Variants in DHX57 observed in about 807,000 individuals in gnomAD.
The protein encoded by DHX57 is DExH-box helicase 57.
DHX57 carries 105 observed loss-of-function variants against 156.2 expected under a neutral mutation model. That is an observed-to-expected ratio of 0.67 (90% CI 0.57 to 0.79). The LOEUF is 0.79. DHX57 is among the 30% of genes least tolerant of loss of function. DHX57 has a pLI of 0.00. For synonymous variants in DHX57, 704 were observed against 595.6 expected (o/e 1.18, Z -2.65); for missense variants, 1,847 against 1,661.9 (o/e 1.11, Z -1.94).
chr2:38,802,177 C>T (rs1389276693), intron 23 of DHX57, among the ~76,000 whole-genome samples: 2 of 152,124 alleles, frequency 1.3e-5, no homozygotes, highest in Non-Finnish European at 2.9e-5. Flanking sequence ...AACCTCAGCC[C>T]GTACCAGACT....
intron 19 of DHX57, chr2:38,815,857 G>T: frequency 1.6e-6 from 1 of 611,860 alleles, no homozygotes; most frequent in African/African-American, 1.8e-5. Context: ...CAGGCAAACT[G>T]AAACGGTTAT....
Position 38,867,750 on chromosome 2 carries a change from A to T in DHX57, c.224+432T>A, listed in dbSNP as rs530459811. ...ATTTTTGTATTTTAGTAGAGACAGGATTTCACCCTATTGGCCAGGCTGGTC... is the reference window on the plus strand; with the variant it reads ...ATTTTTGTATTTTAGTAGAGACAGGTTTTCACCCTATTGGCCAGGCTGGTC... On this transcript the variant is annotated intron_variant, in intron 2 of 23. Coordinates refer to ENST00000457308, the MANE Select transcript of DHX57 (RefSeq NM_198963.3). 3.3e-5 allele frequency among the ~76,000 whole-genome samples: 5 copies of T among 151,894 alleles called. No individual in the cohort carries two copies. The South Asian group carries it at 8.3e-4, about 25-fold the overall frequency.
intron 9 of DHX57, among the ~76,000 whole-genome samples, chr2:38,848,614 G>A (rs1672415593): frequency 6.6e-6 from 1 of 152,088 alleles, no homozygotes; most frequent in Non-Finnish European, 1.5e-5. Context: ...AACCAGAAGT[G>A]TTTCAGATTT....
intron 6 of DHX57, among the ~76,000 whole-genome samples, chr2:38,858,195 G>A (rs1003089026): frequency 7.9e-5 from 12 of 152,204 alleles, no homozygotes; most frequent in African/African-American, 2.9e-4. Context: ...CCAAGTGGCT[G>A]GGATTACAGG....
At chr2:38,833,638 T>C (rs907876915) in intron 13 of DHX57, among the ~76,000 whole-genome samples, 1 of 152,192 alleles carries the variant, frequency 6.6e-6, no homozygotes, top group Non-Finnish European at 1.5e-5. Flanking sequence ...GTGAGTAAAG[T>C]AGTGATTGCT....
chr2:38,815,748 C>T, intron 19 of DHX57, 93 bp from the exon 20 acceptor site: 1 of 1,500,666 alleles, frequency 6.7e-7, no homozygotes, highest in Non-Finnish European at 9.1e-7. Context: ...TGCATTATTT[C>T]AGGGGGTAGC....
At chr2:38,868,670 T>C (rs764656147) in intron 1 of DHX57, among the ~76,000 whole-genome samples, 2 of 152,204 alleles carry the variant, frequency 1.3e-5, no homozygotes, top group Non-Finnish European at 2.9e-5. Context: ...ACCTCAGGAC[T>C]AATATTTAGT....
In DHX57 at chr2:38,815,505, A is replaced by G. The variant is rs773505389; in HGVS notation, c.3606+16T>C. On this transcript the variant is annotated intron_variant, in intron 20 of 23. Coordinates refer to ENST00000457308, the MANE Select transcript of DHX57 (RefSeq NM_198963.3). ...GCTAATTAAAGAGAAATGAGAACCAACTCCACATTCTTTACCTCTTCTCCT... is the reference window on the plus strand; with the variant it reads ...GCTAATTAAAGAGAAATGAGAACCAGCTCCACATTCTTTACCTCTTCTCCT... 8 of 1,613,514 alleles carry G rather than the reference A, an allele frequency of 5.0e-6. No individual in the cohort carries two copies. The highest frequency in any genetic ancestry group is 3.3e-5 in the Admixed American group (2 of 59,928).
intron 19 of DHX57, among the ~76,000 whole-genome samples, chr2:38,817,233 C>CA (rs1346136371): frequency 1.3e-5 from 2 of 152,096 alleles, no homozygotes; most frequent in African/African-American, 4.8e-5. Flanking sequence ...CGCAGGGTCC[C>CA]AAAATCTTTG....
At chr2:38,826,273 A>G (rs1671082161) in intron 15 of DHX57, among the ~76,000 whole-genome samples, 1 of 152,222 alleles carries the variant, frequency 6.6e-6, no homozygotes, top group Non-Finnish European at 1.5e-5. Flanking sequence ...CCCTTTTCAT[A>G]CAAGCACATA....
intron 23 of DHX57, 94 bp from the exon 24 acceptor site, chr2:38,798,536 G>C: frequency 7.2e-7 from 1 of 1,383,116 alleles, no homozygotes; most frequent in Non-Finnish European, 9.7e-7. Context: ...CCATTATTTA[G>C]ATTTCTGGTA....
chr2:38,853,452 C>G (rs1292686857), intron 9 of DHX57: 2 of 152,196 alleles, frequency 1.3e-5, no homozygotes, highest in Non-Finnish European at 2.9e-5. Flanking sequence ...AAATTGTCAT[C>G]TTACAGAGAT....
chr2:38,806,601 G>C lies in DHX57; in HGVS notation c.3774C>G (p.Asn1258Lys). The C allele has an allele frequency of 4.3e-6, 7 of 1,614,082 alleles. No individual in the cohort carries two copies. In the South Asian group the frequency reaches 7.7e-5, roughly 18 times the overall value. The change falls in exon 22 of 24, where the codon AAC becomes AAG. Residue 1258 changes from asparagine to lysine, a missense_variant. Coordinates refer to ENST00000457308, the MANE Select transcript of DHX57 (RefSeq NM_198963.3). The stretch of plus-strand genomic sequence containing the variant: ...AAGGGTGAATGTGTACATATCCATC[G>C]TTCTTGGTGACAAACTTCAACTCAG... Reference protein sequence around the residue: ...KSAELKFVTKNDGYVHIHPSS... With the variant: ...KSAELKFVTKKDGYVHIHPSS...
rs540072959 is a variant in DHX57, at chr2:38,859,496, A to G, written c.1412-660T>C. Reference sequence around the variant, plus strand: ...GCATAATTCTATAAAAATACTAAAAACCATTGAATTGTGTATTTTAAAAGA... The same window carrying G: ...GCATAATTCTATAAAAATACTAAAAGCCATTGAATTGTGTATTTTAAAAGA... On this transcript the variant is annotated intron_variant, in intron 5 of 23. Transcript: ENST00000457308. Among the ~76,000 whole-genome samples, 4 of 152,284 alleles carry G rather than the reference A, an allele frequency of 2.6e-5. No individual in the cohort carries two copies. The East Asian group carries it at 7.7e-4, about 29-fold the overall frequency.
At chr2:38,813,375 AG>A (rs146358404) in intron 21 of DHX57, among the ~76,000 whole-genome samples, 1,586 of 151,688 alleles carry the variant, frequency 0.01, 20 homozygotes, top group East Asian at 0.056. Context: ...ATGTATACTA[AG>A]TTTTTTTTTT....
At chr2:38,810,642 C>T (rs1670195031) in intron 21 of DHX57, 2 of 662,642 alleles carry the variant, frequency 3.0e-6, no homozygotes, top group Admixed American at 3.7e-5. Context: ...CTTTCCCTTC[C>T]ACTCGGTCCT....
chr2:38,866,924 C>T (rs1398928874), intron 2 of DHX57, among the ~76,000 whole-genome samples: 3 of 152,156 alleles, frequency 2.0e-5, no homozygotes, highest in Non-Finnish European at 4.4e-5. Context: ...TAGTAGTGTA[C>T]AGTAATATCC....
At chr2:38,840,871 T>C (rs934651742) in intron 12 of DHX57, among the ~76,000 whole-genome samples, 4 of 152,188 alleles carry the variant, frequency 2.6e-5, no homozygotes, top group African/African-American at 9.6e-5. Context: ...GGGGCTGGAG[T>C]GCACTAGTGC....
Position 38,862,148 on chromosome 2 carries a change from G to C in DHX57, c.569C>G (p.Ser190Cys). The C allele has an allele frequency of 1.9e-6, 3 of 1,590,700 alleles. No individual in the cohort carries two copies. Among genetic ancestry groups the C allele is most frequent in the Non-Finnish European group, 2.6e-6 (3 of 1,166,758 alleles). ...CATAAATGATCAAAGCAATCACCTG[G>C]AAAGTTTTTGCACTGCAAATGGGGA... ...TVSPFAVQKLSRYGFNTERCQ... is the reference protein window; with the variant it reads ...TVSPFAVQKLCRYGFNTERCQ... The change falls in exon 4 of 24, where the codon TCC (serine) becomes TGC (cysteine). Residue 190 changes from serine (S) to cysteine (C), a missense_variant. By Grantham distance (112) the Ser-to-Cys change is moderately radical (BLOSUM62 -1). Transcript: ENST00000457308.
Sources: gnomAD v4.1 joint callset for allele counts (sites outside exome capture counted in the v4.1 genomes callset) on GRCh38, gnomAD v4.1.1 for gene constraint, MANE v1.5 for transcripts, NCBI Gene and HGNC (gene_info 2026-07-23, HGNC 2026-07-21) for gene names.